The following WDR59 variants were observed in gnomAD, a reference collection of about 807,000 sequenced individuals.
The protein encoded by WDR59 is GATOR2 complex protein WDR59.
In WDR59, 100 loss-of-function variants were observed where a neutral mutation model predicts 131.2. The observed-to-expected ratio is 0.76, with a 90% CI of 0.65 to 0.90. WDR59 has a LOEUF of 0.90. WDR59 is among the 40% of genes least tolerant of loss of function. The probability of loss-of-function intolerance (pLI) is 0.00; values close to 1 mark genes in which losing one functional copy is unlikely to be tolerated. For missense variants in WDR59, 1,203 were observed against 1,262.2 expected, an observed-to-expected ratio of 0.95 and a Z score of 0.71; for synonymous variants, 601 against 466.2, an observed-to-expected ratio of 1.29 and a Z score of -3.72.
At chr16:74,940,367 A>G (rs553837906) in intron 7 of WDR59, among the ~76,000 whole-genome samples, 1 of 151,334 alleles carries the variant, frequency 6.6e-6, no homozygotes, top group African/African-American at 2.4e-5. Context: ...CAACAGAGTG[A>G]GACTCTGTCT....
chr16:74,909,039 G>C, intron 16 of WDR59, 62 bp from the exon 17 acceptor site: 3 of 1,407,522 alleles, frequency 2.1e-6, no homozygotes, highest in South Asian at 1.2e-5. Context: ...GAAATCCTGA[G>C]GCAGGACTGG....
intron 8 of WDR59, 133 bp downstream of exon 8, chr16:74,938,017 T>C (rs1235409739): frequency 5.2e-6 from 3 of 580,052 alleles, no homozygotes; most frequent in South Asian, 8.2e-5. Context: ...ATGTGTTCAG[T>C]TGCCCAAGAA....
intron 21 of WDR59, among the ~76,000 whole-genome samples, chr16:74,888,575 T>C (rs1964887441): frequency 6.6e-6 from 1 of 152,224 alleles, no homozygotes; most frequent in Admixed American, 6.5e-5. Context: ...AGCCTCTGGC[T>C]AACTTTCAGG....
chr16:74,972,169 G>A (rs1464277671), intron 1 of WDR59, among the ~76,000 whole-genome samples: 1 of 152,136 alleles, frequency 6.6e-6, no homozygotes, highest in Non-Finnish European at 1.5e-5. Flanking sequence ...GGTGACTTTT[G>A]GCACACTTAA....
At chr16:74,901,101 A>T (rs1965526636) in intron 18 of WDR59, among the ~76,000 whole-genome samples, 1 of 152,150 alleles carries the variant, frequency 6.6e-6, no homozygotes, top group Non-Finnish European at 1.5e-5. Flanking sequence ...GCTGTCTCAA[A>T]ACAAAAAACA....
intron 2 of WDR59, among the ~76,000 whole-genome samples, chr16:74,965,397 C>G (rs1373375676): frequency 6.6e-6 from 1 of 152,182 alleles, no homozygotes; most frequent in Non-Finnish European, 1.5e-5. Flanking sequence ...CAGGGGCTCA[C>G]AGTTAGTGGC....
intron 1 of WDR59, chr16:74,984,492 A>G (rs574251169): frequency 1.0e-5 from 2 of 192,472 alleles, no homozygotes; most frequent in South Asian, 1.8e-4. Flanking sequence ...ATTAAGAACC[A>G]CTTAACCGCG....
intron 8 of WDR59, 138 bp from the exon 9 acceptor site, chr16:74,924,141 T>C (rs1267874547): frequency 2.6e-6 from 2 of 767,278 alleles, no homozygotes; most frequent in Non-Finnish European, 4.3e-6. Flanking sequence ...TCAGCTCCTA[T>C]AACCACGCAC....
intron 4 of WDR59, among the ~76,000 whole-genome samples, chr16:74,951,159 CAAAAAA>C (rs71378721): frequency 2.7e-5 from 2 of 74,654 alleles, no homozygotes; most frequent in African/African-American, 5.5e-5. Context: ...GACTTCGTCT[CAAAAAA>C]AAAAAAAAAA....
At chr16:74,889,595 T>A in intron 21 of WDR59, 108 bp downstream of exon 21, 1 of 802,468 alleles carries the variant, frequency 1.2e-6, no homozygotes, top group Non-Finnish European at 2.0e-6. Flanking sequence ...CTCCTTCCTT[T>A]CATTCCTCGG....
chr16:74,984,891 G>T, intron 1 of WDR59, 73 bp downstream of exon 1: 2 of 1,564,872 alleles, frequency 1.3e-6, no homozygotes, highest in East Asian at 2.4e-5. Context: ...CCCCCGGGAC[G>T]GAAGCAGCCG....
intron 17 of WDR59, 96 bp downstream of exon 17, chr16:74,908,812 T>G: frequency 1.1e-6 from 1 of 903,758 alleles, no homozygotes; most frequent in South Asian, 1.5e-5. Flanking sequence ...AGAACTGAAA[T>G]GCACTGTCCA....
chr16:74,924,101 A>C, intron 8 of WDR59, 98 bp from the exon 9 acceptor site: 2 of 1,171,806 alleles, frequency 1.7e-6, no homozygotes, highest in African/African-American at 1.5e-5. Context: ...CTGGTCCTCT[A>C]AAGATACACT....
intron 17 of WDR59, chr16:74,908,613 TA>T (rs2144918261): frequency 3.5e-6 from 1 of 282,354 alleles, no homozygotes; most frequent in South Asian, 1.6e-4. Flanking sequence ...TAAAAACAAA[TA>T]ATAAATAATA....
intron 17 of WDR59, among the ~76,000 whole-genome samples, chr16:74,904,993 A>C (rs1965727141): frequency 6.6e-6 from 1 of 152,270 alleles, no homozygotes. Context: ...TACATGCAAA[A>C]ATTAATTTGA....
rs1964766030 is a variant in WDR59, at chr16:74,886,371, G to A, written c.2445C>T (p.Ser815=). 2.5e-6 allele frequency: 4 copies of A among 1,613,696 alleles called. No individual in the cohort carries two copies. The highest frequency in any genetic ancestry group is 2.5e-6 in the Non-Finnish European group (3 of 1,179,954). Residue 815 remains serine, a synonymous_variant, in exon 24 of 26, where the codon TCC becomes TCT. Coordinates refer to ENST00000262144, the MANE Select transcript of WDR59 (RefSeq NM_030581.4). Reference sequence around the variant, plus strand: ...CTGGTGAGGATTCTCCCCAAGGGGAGGACAAGTGCTCTGCCTCTCTTCCCG... The same window carrying A: ...CTGGTGAGGATTCTCCCCAAGGGGAAGACAAGTGCTCTGCCTCTCTTCCCG... ...NIAGREAEHL[S]SPWGESSPEE... is the part of the protein sequence containing the mutation.
Position 74,922,095 on chromosome 16 carries a change from G to A in WDR59, c.738C>T (p.Ser246=), listed in dbSNP as rs2145003035. The A allele has an allele frequency of 6.2e-7, 1 of 1,614,102 alleles. No individual in the cohort carries two copies. Among genetic ancestry groups the A allele is most frequent in the Non-Finnish European group, 8.5e-7 (1 of 1,179,998 alleles). The part of the protein sequence containing the change: ...PVWKARYTPF[S]NGLVTVMVPQ... ...GAACCATCACAGTCACCAATCCATT[G>A]CTGAAAGGCTAAGGCAGGGAAGGGA... The change falls in exon 10 of 26, where the codon AGC becomes AGT. Residue 246 remains serine (S), a synonymous_variant. Transcript: ENST00000262144.
At position 74,872,451 on chromosome 16, in the gene WDR59, T is replaced by C. The variant is rs1312707491; in HGVS notation, c.*1758A>G. The C allele has an allele frequency of 6.6e-6, 1 of 151,890 alleles. No individual in the cohort carries two copies. The highest frequency in any genetic ancestry group is 1.9e-4 in the East Asian group (1 of 5,172). 9.4% of individuals were successfully genotyped at this position (151,890 alleles called of 1,614,324 possible). A position where few individuals can be genotyped will look rare whatever the true frequency, so the allele number is the denominator to read the frequency against. ...GGTGCACACCTGTAGTCCCAGCTAC[T>C]CGGGAGGCTGAGGTGGGAGGATCAC... On this transcript the variant is annotated 3_prime_UTR_variant, in exon 26 of 26. Transcript: ENST00000262144.
At chr16:74,879,326 C>T (rs1390042174) in intron 25 of WDR59, among the ~76,000 whole-genome samples, 1 of 152,164 alleles carries the variant, frequency 6.6e-6, no homozygotes, top group Non-Finnish European at 1.5e-5. Context: ...CTGTGCACTG[C>T]AGCCTGGGTG....
Sources: allele counts gnomAD v4.1 joint callset (sites outside exome capture counted in the v4.1 genomes callset), GRCh38; gene constraint gnomAD v4.1.1; transcripts MANE v1.5; gene names NCBI Gene and HGNC (gene_info 2026-07-23, HGNC 2026-07-21).